MAP4: variants seen among roughly 807,000 people sequenced by gnomAD.
MAP4 encodes the protein microtubule associated protein 4.
MAP4 carries 76 observed loss-of-function variants against 170.2 expected under a neutral mutation model. That is an observed-to-expected ratio of 0.45 (90% confidence interval 0.37 to 0.54). MAP4 has a LOEUF of 0.54. Ranked by LOEUF, MAP4 falls within the 20% of genes least tolerant of loss-of-function variation. The pLI is 0.00. For synonymous variants in MAP4, 909 were observed against 994.5 expected (o/e 0.91, Z 1.62); for missense variants, 2,506 against 2,748.0 (o/e 0.91, Z 1.97).
intron 2 of MAP4, 140 bp downstream of exon 2, chr3:47,998,498 G>A (rs368905639): frequency 4.5e-5 from 30 of 671,078 alleles, no homozygotes; most frequent in African/African-American, 1.1e-4. Context: ...CTACCTCCTC[G>A]GTATCTAACA....
In MAP4 at chr3:47,891,190, T is replaced by G. The variant is rs1422413394; in HGVS notation, c.5434+11760A>C. On this transcript the variant is annotated intron_variant, in intron 10 of 20. Transcript: ENST00000683076. Reference sequence around the variant, plus strand: ...TTTCACTAAAATCTTCCTGCCCTTTTTCCTTGCTGCTTCCTTCAGGAATCT... The same window carrying G: ...TTTCACTAAAATCTTCCTGCCCTTTGTCCTTGCTGCTTCCTTCAGGAATCT... 2.6e-6 allele frequency: 4 copies of G among 1,536,178 alleles called. No homozygotes were observed. In the Admixed American group the frequency reaches 5.9e-5, roughly 23 times the overall value.
In MAP4 at chr3:47,910,142, T is replaced by C. The variant is rs370425325; in HGVS notation, c.4279A>G (p.Asn1427Asp). 48 of 1,614,020 alleles carry C rather than the reference T, an allele frequency of 3.0e-5. No individual in the cohort carries two copies. The East Asian group carries it at 4.7e-4, about 16-fold the overall frequency. The change falls in exon 9 of 21, where the codon AAT becomes GAT. Residue 1427 changes from asparagine (N) to aspartate (D), a missense_variant. Asn to Asp is a conservative substitution (Grantham distance 23). Transcript: ENST00000683076. ...TCPRTPSELI[N>D]KSSPLEVLES... Reference sequence around the variant, plus strand: ...AGAACCTCTAGAGGAGATGATTTATTTATCAGCTCTGATGGTGTTCTGGGA... The same window carrying C: ...AGAACCTCTAGAGGAGATGATTTATCTATCAGCTCTGATGGTGTTCTGGGA...
At chr3:47,928,664 T>TA (rs1006429328) in intron 3 of MAP4, among the ~76,000 whole-genome samples, 3 of 151,732 alleles carry the variant, frequency 2.0e-5, no homozygotes, top group South Asian at 2.1e-4. Context: ...ACTCTGTCAC[T>TA]AAAAAAAATT....
intron 3 of MAP4, among the ~76,000 whole-genome samples, chr3:47,933,004 G>C: frequency 6.6e-6 from 1 of 152,160 alleles, no homozygotes; most frequent in Admixed American, 6.5e-5. Flanking sequence ...CTGGGCTCAA[G>C]AGATCTTCCT....
intron 7 of MAP4, 114 bp from the exon 8 acceptor site, chr3:47,915,053 C>A (rs947554479): frequency 4.7e-6 from 6 of 1,275,028 alleles, no homozygotes; most frequent in African/African-American, 3.0e-5. Context: ...CTACAAGGGG[C>A]AGCAAAGGAG....
intron 10 of MAP4, among the ~76,000 whole-genome samples, chr3:47,895,919 T>C (rs1483492753): frequency 6.6e-6 from 1 of 151,544 alleles, no homozygotes; most frequent in Non-Finnish European, 1.5e-5. Flanking sequence ...AAAATATAAT[T>C]ATGAGGTCAA....
At chr3:48,005,324 G>A (rs1022165636) in intron 1 of MAP4, among the ~76,000 whole-genome samples, 1 of 84,086 alleles carries the variant, frequency 1.2e-5, no homozygotes, top group Non-Finnish European at 2.4e-5. Context: ...TTGTGCCACT[G>A]CACTCTAACC....
Position 47,909,911 on chromosome 3 carries a change from T to C in MAP4, c.4510A>G (p.Ser1504Gly), listed in dbSNP as rs747801902. 1 of 1,614,038 alleles carries C rather than the reference T, an allele frequency of 6.2e-7. No individual in the cohort carries two copies. The highest frequency in any genetic ancestry group is 1.1e-5 in the South Asian group (1 of 91,086). Residue 1504 changes from serine to glycine, a missense_variant, in exon 9 of 21, where the codon AGC becomes GGC. Physicochemically the swap from Ser to Gly is moderately conservative, Grantham distance 56. Around this residue, in one of 3 missense-constraint regions of MAP4, gnomAD observed 2,008 missense variants for 2,206.0 expected, o/e 0.91. Transcript: ENST00000683076. Reference sequence around the variant, plus strand: ...ATAGGTAGAGCAACTCCTCCTGTGCTTGTAGAGGGCACAACAGCAGAGGGA... The same window carrying C: ...ATAGGTAGAGCAACTCCTCCTGTGCCTGTAGAGGGCACAACAGCAGAGGGA... ...KGPSAVVPST[S>G]TGGVALPITT... is the part of the protein sequence containing the mutation.
chr3:48,064,490 A>T (rs550840196), intron 1 of MAP4, among the ~76,000 whole-genome samples: 30 of 151,972 alleles, frequency 2.0e-4, no homozygotes, highest in Non-Finnish European at 4.0e-4. Flanking sequence ...ATTCTCGGAC[A>T]GACTGATTTA....
chr3:48,052,265 A>C (rs532232625), intron 1 of MAP4, among the ~76,000 whole-genome samples: 1 of 152,188 alleles, frequency 6.6e-6, no homozygotes, highest in Non-Finnish European at 1.5e-5. Flanking sequence ...TCTGTCGCCC[A>C]GGCTGGAGTG....
rs565096327 is a variant in MAP4, at chr3:48,066,442, A to G, written c.-20+22331T>C. 3.3e-5 allele frequency among the ~76,000 whole-genome samples: 5 copies of G among 152,252 alleles called. No individual in the cohort carries two copies. The East Asian group carries it at 7.7e-4, about 24-fold the overall frequency. On this transcript the variant is annotated intron_variant, in intron 1 of 18. Transcript: ENST00000360240. ...ATCTTTGATATATAGTTAGCCCTCC[A>G]AAGCCACAGGTTCCACATCCTTGGA...
In MAP4 at chr3:47,916,468, G is replaced by A; in HGVS notation, c.1359C>T (p.Pro453=). 6.2e-7 allele frequency: 1 copy of A among 1,614,056 alleles called. No individual in the cohort carries two copies. Among genetic ancestry groups the A allele is most frequent in the East Asian group, 2.2e-5 (1 of 44,904 alleles). The change falls in exon 7 of 21, where the codon CCC becomes CCT. Residue 453 remains proline, a synonymous_variant. Coordinates refer to ENST00000683076, the MANE Select transcript of MAP4 (RefSeq NM_001385682.1). ...EVALARDMTL[P]PETNVILTKD... ...TGGTCAAGATCACGTTGGTTTCCGG[G>A]GGCAGTGTCATGTCCCTGGCCAGGG...
chr3:48,050,246 G>GA (rs1441230089), intron 1 of MAP4, among the ~76,000 whole-genome samples: 1 of 137,878 alleles, frequency 7.3e-6, no homozygotes, highest in African/African-American at 2.6e-5. Context: ...GCAAAAGAGC[G>GA]AGACTCCATC....
chr3:47,863,937 T>TGTGTGTGTGTGTGTGTGTGG (rs374208589), intron 17 of MAP4, among the ~76,000 whole-genome samples: 1 of 138,356 alleles, frequency 7.2e-6, no homozygotes, highest in African/African-American at 2.7e-5. Flanking sequence ...TGTGTGTGTG[T>TGTGTGTGTGTGTGTGTGTGG]GGGGAGTGGT....
At chr3:48,062,564 AAAAAT>A (rs1427630777) in intron 1 of MAP4, among the ~76,000 whole-genome samples, 4 of 150,612 alleles carry the variant, frequency 2.7e-5, no homozygotes, top group East Asian at 1.9e-4. Context: ...TCTGTCAATT[AAAAAT>A]AAAATAATGT....
At chr3:47,936,937 G>A (rs953368349) in intron 3 of MAP4, among the ~76,000 whole-genome samples, 6 of 147,360 alleles carry the variant, frequency 4.1e-5, no homozygotes, top group Non-Finnish European at 7.4e-5. Flanking sequence ...CCAAGATCGC[G>A]CCACTGCACT....
At chr3:48,009,116 T>C (rs2100103948) in intron 1 of MAP4, among the ~76,000 whole-genome samples, 1 of 152,162 alleles carries the variant, frequency 6.6e-6, no homozygotes, top group Admixed American at 6.5e-5. Context: ...TTGTTGTTGT[T>C]TTGAGAAGGG....
intron 2 of MAP4, among the ~76,000 whole-genome samples, chr3:47,984,027 A>T (rs1438676643): frequency 6.6e-6 from 1 of 152,152 alleles, no homozygotes; most frequent in African/African-American, 2.4e-5. Flanking sequence ...TGAAGGGCAT[A>T]AATAATGAGA....
chr3:48,078,316 T>TA lies in MAP4; in HGVS notation c.-20+10456_-20+10457insT, dbSNP rs1342017439. On this transcript the variant is annotated intron_variant, in intron 1 of 18. Transcript: ENST00000360240. ...TGCACCACCATGCCTGGCTAATTTT[T>TA]TTTTTTTTTTTTTTTTTGGTAGAGA... Among the ~76,000 whole-genome samples, 1,441 of 148,612 alleles carry TA rather than the reference T, an allele frequency of 9.7e-3. 8 individuals are homozygous for TA. Among genetic ancestry groups the TA allele is most frequent in the Non-Finnish European group, 0.016 (1,082 of 66,932 alleles).
Sources: gnomAD v4.1 joint callset for allele counts (sites outside exome capture counted in the v4.1 genomes callset) on GRCh38, gnomAD v4.1.1 for gene constraint, gnomAD v4.1.1 regional missense constraint, MANE v1.5 for transcripts, NCBI Gene and HGNC (gene_info 2026-07-23, HGNC 2026-07-21) for gene names.